SCAMP3: variants seen among roughly 807,000 people sequenced by gnomAD.
SCAMP3 encodes secretory carrier membrane protein 3, also known as secretory carrier-associated membrane protein 3.
Under a neutral mutation model 44.1 loss-of-function variants are expected in SCAMP3, and 30 were observed. That is an observed-to-expected ratio of 0.68 (90% CI 0.51 to 0.92). SCAMP3 has a LOEUF of 0.92. Among genes scored for constraint, SCAMP3 ranks in the 40% least tolerant of loss-of-function variants. The pLI is 0.00. For synonymous variants in SCAMP3, 168 were observed against 171.1 expected, an observed-to-expected ratio of 0.98 and a Z score of 0.14; for missense variants, 394 against 440.0, an observed-to-expected ratio of 0.90 and a Z score of 0.93.
chr1:155,257,132 C>T (rs535501282), intron 7 of SCAMP3, among the ~76,000 whole-genome samples, 153 bp downstream of exon 7: 31 of 152,188 alleles, frequency 2.0e-4, no homozygotes, highest in Non-Finnish European at 3.1e-4. Context: ...GTGCTGTCTG[C>T]GCTCTATCCT....
rs1254361087 is a variant in SCAMP3 at position 155,257,680 on chromosome 1, G to A, written c.518-23C>T. 3 of 1,550,544 alleles carry A rather than the reference G, an allele frequency of 1.9e-6. No homozygotes were observed. The South Asian group carries it at 3.6e-5, about 18-fold the overall frequency. Reference sequence around the variant, plus strand: ...TGCCTAAGGGGCAGAGGGACAGGATGAGGAGCCCTTCTGGACTGCAATGAA... The same window carrying A: ...TGCCTAAGGGGCAGAGGGACAGGATAAGGAGCCCTTCTGGACTGCAATGAA... On this transcript the variant is annotated intron_variant, in intron 5 of 8. Coordinates refer to ENST00000302631, the MANE Select transcript of SCAMP3 (RefSeq NM_005698.4).
intron 5 of SCAMP3, 77 bp downstream of exon 5, chr1:155,258,749 T>C: frequency 7.2e-7 from 1 of 1,379,386 alleles, no homozygotes; most frequent in Non-Finnish European, 9.9e-7. Flanking sequence ...GTGAAGTGTT[T>C]GGTTCTTGGT....
Position 155,261,679 on chromosome 1 carries a change from T to C in SCAMP3, c.122A>G (p.Tyr41Cys), listed in dbSNP as rs201033512. ...CACCTCCCGGGTCTCAAAAGGGTTGTAGACGTCAAGCGTGGCATACTGCCG... is the reference window on the plus strand; with the variant it reads ...CACCTCCCGGGTCTCAAAAGGGTTGCAGACGTCAAGCGTGGCATACTGCCG... Reference protein sequence around the residue: ...PSRQYATLDVYNPFETREPPP... With the variant: ...PSRQYATLDVCNPFETREPPP... The change falls in exon 2 of 9, where the codon TAC (tyrosine) becomes TGC (cysteine). Residue 41 changes from tyrosine to cysteine, a missense_variant. Physicochemically the swap from Tyr to Cys is radical, Grantham distance 194. Coordinates refer to ENST00000302631, the MANE Select transcript of SCAMP3 (RefSeq NM_005698.4). The C allele has an allele frequency of 6.2e-7, 1 of 1,614,126 alleles. No homozygotes were observed. Among genetic ancestry groups the C allele is most frequent in the Non-Finnish European group, 8.5e-7 (1 of 1,180,020 alleles).
chr1:155,260,296 A>T (rs1273888338), intron 4 of SCAMP3, 34 bp downstream of exon 4: 1 of 1,604,316 alleles, frequency 6.2e-7, no homozygotes, highest in South Asian at 1.1e-5. Context: ...CTCCTCCCAA[A>T]CTCTCAGATG....
In SCAMP3 at chr1:155,261,835, C is replaced by T. The variant is rs79051383; in HGVS notation, c.67-101G>A. On this transcript the variant is annotated intron_variant, in intron 1 of 8. Coordinates refer to ENST00000302631, the MANE Select transcript of SCAMP3 (RefSeq NM_005698.4). Reference sequence around the variant, plus strand: ...CCTGTGGCTCCAAGTACTGCACCTTCGGGGCCACGCCGTTGTCCCAGGACT... The same window carrying T: ...CCTGTGGCTCCAAGTACTGCACCTTTGGGGCCACGCCGTTGTCCCAGGACT... The T allele has an allele frequency of 2.1e-3, 2,342 of 1,103,842 alleles. 42 individuals carry two copies. The African/African-American group carries it at 0.032, about 15-fold the overall frequency. 68.4% of individuals were successfully genotyped at this position (1,103,842 alleles called of 1,614,324 possible).
chr1:155,261,234 TAA>T (rs1393946081), intron 2 of SCAMP3: 19 of 176,964 alleles, frequency 1.1e-4, no homozygotes, highest in Admixed American at 6.6e-4. Context: ...CTTTTTTTTT[TAA>T]GTTTTAAGTA....
At chr1:155,261,618 C>G (rs753519735) in intron 2 of SCAMP3, 39 bp downstream of exon 2, 7 of 1,582,500 alleles carry the variant, frequency 4.4e-6, no homozygotes, top group East Asian at 4.5e-5. Flanking sequence ...CTGGCAAACC[C>G]TTCCCTTCCT....
At chr1:155,259,046 CT>C (rs34682738) in intron 4 of SCAMP3, 92 bp from the exon 5 acceptor site, 119,519 of 484,060 alleles carry the variant, frequency 0.25, 3,599 homozygotes, top group African/African-American at 0.42. Context: ...TGGATCCTCT[CT>C]TTTTTTTTTT....
chr1:155,257,645 G>T lies in SCAMP3; in HGVS notation c.530C>A (p.Ala177Asp). The change falls in exon 6 of 9, where the codon GCT (alanine) becomes GAT (aspartate). Residue 177 changes from alanine to aspartate, a missense_variant. By Grantham distance (126) the Ala-to-Asp change is moderately radical. Transcript: ENST00000302631. ...MYYLWMCSTL[A>D]LLLNFLACLA... ...GCAGGCGAGGAAGTTCAGGAGAAGA[G>T]CCAGCGTGCTGCCTAAGGGGCAGAG... The T allele has an allele frequency of 6.4e-7, 1 of 1,560,612 alleles. No individual in the cohort carries two copies. Among genetic ancestry groups the T allele is most frequent in the Non-Finnish European group, 8.7e-7 (1 of 1,151,700 alleles).
rs544689236 is a variant in SCAMP3, at chr1:155,257,716, C to T, written c.518-59G>A. On this transcript the variant is annotated intron_variant, in intron 5 of 8. Transcript: ENST00000302631. ...CTGGACTGCAATGAAGGCTCCTTCC[C>T]ATCTATGCTCATCCTATAATATTCA... 2.2e-4 allele frequency: 317 copies of T among 1,444,534 alleles called. No homozygotes were observed. The African/African-American group carries it at 4.1e-3, about 19-fold the overall frequency. 89.5% of individuals were successfully genotyped at this position (1,444,534 alleles called of 1,614,324 possible).
At position 155,256,402 on chromosome 1, in the gene SCAMP3, G is replaced by A. The variant is rs760695138; in HGVS notation, c.915C>T (p.Arg305=). ...CCTTCTGAAAGCTGGCACCTGTGCG[G>A]CGGTATAAGGAGTGGATCTGCAAGT... ...VMLKRIHSLY[R]RTGASFQKAQ... The change falls in exon 9 of 9, where the codon CGC becomes CGT. Residue 305 remains arginine, a synonymous_variant. Transcript: ENST00000302631. 8 of 1,592,076 alleles carry A rather than the reference G, an allele frequency of 5.0e-6. No individual in the cohort carries two copies. The South Asian group carries it at 9.0e-5, about 18-fold the overall frequency.
chr1:155,261,534 G>A (rs1290843905), intron 2 of SCAMP3, 123 bp downstream of exon 2: 4 of 885,160 alleles, frequency 4.5e-6, no homozygotes, highest in East Asian at 4.8e-5. Context: ...CCTCTCTCAG[G>A]GAACTAAGAT....
chr1:155,257,160 C>G (rs1208672637), intron 7 of SCAMP3, 125 bp downstream of exon 7: 3 of 668,670 alleles, frequency 4.5e-6, no homozygotes, highest in Non-Finnish European at 8.0e-6. Context: ...TGTCTTGTAT[C>G]TCATTAAACT....
intron 2 of SCAMP3, 105 bp downstream of exon 2, chr1:155,261,552 C>T (rs778773596): frequency 1.5e-5 from 15 of 985,414 alleles, no homozygotes; most frequent in Middle Eastern, 2.1e-4. Context: ...GATCACAGTG[C>T]CTCTTCCTTC....
chr1:155,261,565 G>T, intron 2 of SCAMP3, 92 bp downstream of exon 2: 1 of 1,091,014 alleles, frequency 9.2e-7, no homozygotes, highest in Non-Finnish European at 1.4e-6. Context: ...CTTCCTTCCT[G>T]TGCATGCAGA....
Position 155,256,142 on chromosome 1 carries a change from C to CA in SCAMP3, c.*130dup. 1.1e-6 allele frequency: 1 copy of CA among 934,628 alleles called. No individual in the cohort carries two copies. 57.9% of individuals were successfully genotyped at this position (934,628 alleles called of 1,614,324 possible). A position where few individuals can be genotyped will look rare whatever the true frequency, so the allele number is the denominator to read the frequency against. On this transcript the variant is annotated 3_prime_UTR_variant, in exon 9 of 9. Transcript: ENST00000302631. Reference sequence around the variant, plus strand: ...CCACACGCCTGTCAGGTTCAGCAGTCATGGCCATAGGATTGGGAGCACTAC... The same window carrying CA: ...CCACACGCCTGTCAGGTTCAGCAGTCAATGGCCATAGGATTGGGAGCACTAC...
rs778607353 is a variant in SCAMP3, at chr1:155,258,934, G to A, written c.409C>T (p.Pro137Ser). The change falls in exon 5 of 9, where the codon CCT (proline) becomes TCT (serine). Residue 137 changes from proline to serine, a missense_variant. Pro to Ser is a moderately conservative substitution (Grantham distance 74). Coordinates refer to ENST00000302631, the MANE Select transcript of SCAMP3 (RefSeq NM_005698.4). The part of the protein sequence containing the change: ...GTATRQNNWP[P>S]LPSFCPVQPC... ...TGAACTGGACAAAAAGAAGGTAGAG[G>A]GGGCCAATTGTTCTGTCGAGCTGTA... The A allele has an allele frequency of 6.2e-7, 1 of 1,611,992 alleles. No homozygotes were observed. Among genetic ancestry groups the A allele is most frequent in the Non-Finnish European group, 8.5e-7 (1 of 1,179,128 alleles).
In SCAMP3 at chr1:155,256,305, C is replaced by T. The variant is rs776528808; in HGVS notation, c.1012G>A (p.Gly338Arg). 6.3e-7 allele frequency: 1 copy of T among 1,596,476 alleles called. No individual in the cohort carries two copies. The highest frequency in any genetic ancestry group is 8.6e-7 in the Non-Finnish European group (1 of 1,167,582). ...VRTAAANAAA[G>R]AAENAFRAP is the part of the protein sequence containing the mutation. ...GCCCGGAAGGCATTTTCAGCAGCCC[C>T]AGCGGCTGCATTGGCAGCTGCGGTT... The change falls in exon 9 of 9, where the codon GGG (glycine) becomes AGG (arginine). Residue 338 changes from glycine (G) to arginine (R), a missense_variant. Physicochemically the swap from Gly to Arg is moderately radical, Grantham distance 125. Coordinates refer to ENST00000302631, the MANE Select transcript of SCAMP3 (RefSeq NM_005698.4).
intron 7 of SCAMP3, 41 bp downstream of exon 7, chr1:155,257,244 A>T (rs760173608): frequency 7.5e-7 from 1 of 1,337,404 alleles, no homozygotes; most frequent in Non-Finnish European, 1.1e-6. Context: ...TGCTGGCTGG[A>T]TCTAGAGGGA....
Sources: allele counts gnomAD v4.1 joint callset (sites outside exome capture counted in the v4.1 genomes callset), GRCh38; gene constraint gnomAD v4.1.1; transcripts MANE v1.5; gene names NCBI Gene and HGNC (gene_info 2026-07-23, HGNC 2026-07-21).